The following LRRC37B variants were observed in gnomAD, a reference collection of about 807,000 sequenced individuals.
The protein encoded by LRRC37B is leucine rich repeat containing 37B, also known as leucine-rich repeat-containing protein 37B.
In LRRC37B, 28 loss-of-function variants were observed where a neutral mutation model predicts 98.3. The ratio of observed to expected loss-of-function variants is 0.28; its 90% confidence interval spans 0.21 to 0.39. The LOEUF is 0.39. Ranked by LOEUF, LRRC37B falls within the 10% of genes least tolerant of loss-of-function variation. The pLI is 1.00. For missense variants in LRRC37B, 938 were observed against 1,182.7 expected (o/e 0.79, Z 3.03); for synonymous variants, 364 against 442.7 (o/e 0.82, Z 2.23).
chr17:32,048,705 G>T (rs1911656339), intron 9 of LRRC37B, among the ~76,000 whole-genome samples: 1 of 152,216 alleles, frequency 6.6e-6, no homozygotes. Flanking sequence ...AGAAAGTTTA[G>T]AAAGGGCAGT....
chr17:32,023,117 C>T (rs546839881), intron 1 of LRRC37B, among the ~76,000 whole-genome samples: 1 of 148,566 alleles, frequency 6.7e-6, no homozygotes, highest in Non-Finnish European at 1.5e-5. Context: ...TTCGCTTCAC[C>T]CTCTTTTTTT....
chr17:32,022,190 G>A, exon 1 of LRRC37B: 3 of 1,613,298 alleles, frequency 1.9e-6, no homozygotes, highest in Non-Finnish European at 2.5e-6. Flanking sequence ...CTGCAGATGT[G>A]GAGGTTACCA....
chr17:32,017,172 G>T (rs1598201572), upstream of LRRC37B: 1 of 152,180 alleles, frequency 6.6e-6, no homozygotes, highest in East Asian at 1.9e-4. Context: ...AAGTTGTATT[G>T]TCTGTAGAGC....
chr17:32,011,244 C>A (rs1910519189), intron 1 of LRRC37B, among the ~76,000 whole-genome samples: 1 of 152,218 alleles, frequency 6.6e-6, no homozygotes, highest in Non-Finnish European at 1.5e-5. Context: ...ATCCGCCTGC[C>A]TCAGCCTCCC....
upstream of LRRC37B, chr17:32,017,999 G>C: frequency 4.5e-6 from 1 of 221,184 alleles, no homozygotes; most frequent in Non-Finnish European, 9.6e-6. Flanking sequence ...GTGGAGTGCA[G>C]ACCCAGTGAA....
chr17:32,021,841 T>C (rs1371811625), exon 1 of LRRC37B: 4 of 1,614,058 alleles, frequency 2.5e-6, no homozygotes, highest in Non-Finnish European at 3.4e-6. Context: ...ATGGACACAC[T>C]GTATCCCGGC....
intron 1 of LRRC37B, among the ~76,000 whole-genome samples, chr17:32,009,609 G>A (rs1910483212): frequency 6.6e-6 from 1 of 151,344 alleles, no homozygotes; most frequent in African/African-American, 2.4e-5. Flanking sequence ...GTTTAATTGG[G>A]TTGCTTTCTT....
intron 8 of LRRC37B, among the ~76,000 whole-genome samples, chr17:32,046,286 A>G (rs568639879): frequency 6.6e-6 from 1 of 152,298 alleles, no homozygotes; most frequent in South Asian, 2.1e-4. Context: ...GTTTTATTTG[A>G]AGCCTGAGAG....
rs796570580 is a variant in LRRC37B, at chr17:32,046,599, C to CTTTTTTTTTTTTTTTTTTTTTTTTTTTTT, written c.2323+799_2323+800insTTTTTTTTTTTTTTTTTTTTTTTTTTTTT. On this transcript the variant is annotated intron_variant, in intron 8 of 11. Coordinates refer to ENST00000327564, the Ensembl canonical transcript of LRRC37B. ...ATTTTTCAAAACTTTTTCTTTTTTT[C>CTTTTTTTTTTTTTTTTTTTTTTTTTTTTT]TTTTTTTTTTTTTTTTTTACCAATT... Among the ~76,000 whole-genome samples, 2 of 132,826 alleles carry CTTTTTTTTTTTTTTTTTTTTTTTTTTTTT rather than the reference C, an allele frequency of 1.5e-5. 1 individual carries two copies. The highest frequency in any genetic ancestry group is 1.5e-4 in the Admixed American group (2 of 13,148). 87.1% of individuals were successfully genotyped at this position (132,826 alleles called of 152,430 possible). A position where few individuals can be genotyped will look rare whatever the true frequency, so the allele number is the denominator to read the frequency against.
intron 7 of LRRC37B, among the ~76,000 whole-genome samples, chr17:32,038,142 A>G (rs1469533740): frequency 6.6e-6 from 1 of 151,334 alleles, no homozygotes; most frequent in East Asian, 1.9e-4. Flanking sequence ...AAAAAAAAAG[A>G]GTGCTTTATA....
rs140028629 is a variant in LRRC37B at position 32,047,847 on chromosome 17, A to G, written c.2410A>G (p.Ile804Val). ...GCAGCACATGAGCACTCAGCTGACT[A>G]TTGAGTCGGAGGCGCCCTCAGACAG... Residue 804 changes from isoleucine to valine, a missense_variant, in exon 9 of 12, where the codon ATT becomes GTT. Physicochemically the swap from Ile to Val is conservative, Grantham distance 29. This residue lies in a region of LRRC37B where 328 missense variants were observed against 557.0 expected (regional missense o/e 0.59). Transcript: ENST00000327564. 1,936 of 1,614,154 alleles carry G rather than the reference A, an allele frequency of 1.2e-3. 1 individual carries two copies. The highest frequency in any genetic ancestry group is 1.5e-3 in the Non-Finnish European group (1,828 of 1,179,980).
chr17:32,024,999 A>G (rs1910907144), intron 2 of LRRC37B, among the ~76,000 whole-genome samples: 1 of 143,476 alleles, frequency 7.0e-6, no homozygotes, highest in African/African-American at 2.5e-5. Context: ...TATCATACAA[A>G]TAATACATGG....
chr17:32,039,429 A>ATTT (rs1911342958), intron 7 of LRRC37B, among the ~76,000 whole-genome samples: 3 of 138,728 alleles, frequency 2.2e-5, no homozygotes, highest in African/African-American at 8.0e-5. Context: ...GTGAGCCAAG[A>ATTT]TGACACCACT....
intron 7 of LRRC37B, among the ~76,000 whole-genome samples, chr17:32,043,349 T>C (rs1911496014): frequency 6.6e-6 from 1 of 152,204 alleles, no homozygotes; most frequent in Admixed American, 6.5e-5. Context: ...TTGCTTGAGC[T>C]CAGGAGTTTG....
chr17:32,022,785 G>T lies in LRRC37B; in HGVS notation c.1720G>T (p.Val574Leu), dbSNP rs770779988. 4.3e-6 allele frequency: 7 copies of T among 1,613,836 alleles called. No individual in the cohort carries two copies. The South Asian group carries it at 7.7e-5, about 18-fold the overall frequency. ...AAAGCAGAGGCTCCGCCAAGTGCCT[G>T]TGCCAGAGCCCGACACCTACAATGG... The change falls in exon 1 of 12, where the codon GTG becomes TTG. Residue 574 changes from valine to leucine, a missense_variant. Transcript: ENST00000327564.
At chr17:32,021,359 C>G (rs1910772161) in exon 1 of LRRC37B, 1 of 1,613,868 alleles carries the variant, frequency 6.2e-7, no homozygotes, top group African/African-American at 1.3e-5. Flanking sequence ...CCCCGGGGGA[C>G]TTTGATTACC....
chr17:32,026,069 C>A (rs577001081), intron 2 of LRRC37B, among the ~76,000 whole-genome samples: 2 of 152,118 alleles, frequency 1.3e-5, no homozygotes, highest in Non-Finnish European at 2.9e-5. Context: ...ATTGTTTTAT[C>A]GTTTTCTTCC....
chr17:32,019,238 C>A (rs778942427), upstream of LRRC37B, among the ~76,000 whole-genome samples: 1 of 152,164 alleles, frequency 6.6e-6, no homozygotes, highest in Admixed American at 6.6e-5. Flanking sequence ...CCATTGTTAT[C>A]ATTTATACAG....
chr17:32,045,950 C>T, intron 8 of LRRC37B, 132 bp downstream of exon 11: 1 of 1,017,108 alleles, frequency 9.8e-7, no homozygotes, highest in African/African-American at 1.6e-5. Flanking sequence ...TTTCAACTCC[C>T]TCAACTTCTG....
Sources: gnomAD v4.1 joint callset for allele counts (sites outside exome capture counted in the v4.1 genomes callset) on GRCh38, gnomAD v4.1.1 for gene constraint, gnomAD v4.1.1 regional missense constraint, MANE v1.5 for transcripts, NCBI Gene and HGNC (gene_info 2026-07-23, HGNC 2026-07-21) for gene names.